FRMD3: variants seen among roughly 807,000 people sequenced by gnomAD.
FRMD3 encodes FERM domain containing 3.
Under a neutral mutation model 70.2 loss-of-function variants are expected in FRMD3, and 33 were observed. That is an observed-to-expected ratio of 0.47 (90% CI 0.36 to 0.63). The LOEUF (loss-of-function observed/expected upper bound fraction) is 0.63, where lower values mean the gene tolerates loss of function less well. FRMD3 is among the 20% of genes least tolerant of loss of function. The pLI, the probability that FRMD3 is intolerant of heterozygous loss-of-function variation, is 0.00. For synonymous variants in FRMD3, 279 were observed against 255.9 expected, an observed-to-expected ratio of 1.09 and a Z score of -0.86; for missense variants, 632 against 711.4, an observed-to-expected ratio of 0.89 and a Z score of 1.27.
At chr9:83,569,997 A>G in the FRMD3 span, among the ~76,000 whole-genome samples, 1 of 152,220 alleles carries the variant, frequency 6.6e-6, no homozygotes, top group South Asian at 2.1e-4. Flanking sequence ...AAGTTTAAGG[A>G]TGAATACAGA....
chr9:83,575,429 C>T, the FRMD3 span, among the ~76,000 whole-genome samples: 2 of 152,120 alleles, frequency 1.3e-5, no homozygotes, highest in Non-Finnish European at 2.9e-5. Flanking sequence ...TAATGGGTTA[C>T]TGGCCCATGT....
intron 1 of FRMD3, among the ~76,000 whole-genome samples, chr9:83,485,725 T>C (rs1185771926): frequency 6.6e-6 from 1 of 152,140 alleles, no homozygotes; most frequent in African/African-American, 2.4e-5. Flanking sequence ...TATGAAGCAG[T>C]AGAAAGAATG....
intron 1 of FRMD3, among the ~76,000 whole-genome samples, chr9:83,458,210 A>G (rs1255352155): frequency 6.6e-6 from 1 of 152,208 alleles, no homozygotes; most frequent in Non-Finnish European, 1.5e-5. Flanking sequence ...TGGCTTTTCC[A>G]AGAATGAAAA....
chr9:83,358,405 G>C (rs980170055), intron 3 of FRMD3, among the ~76,000 whole-genome samples: 5 of 152,056 alleles, frequency 3.3e-5, no homozygotes, highest in African/African-American at 9.7e-5. Context: ...GTCTTGCTTT[G>C]TCTATGTGGG....
intron 1 of FRMD3, among the ~76,000 whole-genome samples, chr9:83,497,745 G>C (rs781251318): frequency 4.6e-5 from 7 of 152,216 alleles, no homozygotes; most frequent in African/African-American, 7.2e-5. Flanking sequence ...GAAGACACAA[G>C]ATGGAAACAG....
At chr9:83,271,359 TG>T (rs1452958335) in intron 13 of FRMD3, among the ~76,000 whole-genome samples, 3 of 152,178 alleles carry the variant, frequency 2.0e-5, no homozygotes, top group African/African-American at 7.2e-5. Context: ...AAAGAGTCCT[TG>T]GGACTAACAT....
the FRMD3 span, among the ~76,000 whole-genome samples, chr9:83,578,389 T>C: frequency 1.9e-3 from 283 of 151,966 alleles, 1 homozygote; most frequent in African/African-American, 6.0e-3. Flanking sequence ...AAAAAAACTA[T>C]AGGTCAATAT....
chr9:83,464,439 G>A lies in FRMD3; in HGVS notation c.147+73646C>T, dbSNP rs917221493. ...TGCACTGTCCCATTAGATGGTGGACGATGGTAAGGGTCACCATCACCCCTC... is the reference window on the plus strand; with the variant it reads ...TGCACTGTCCCATTAGATGGTGGACAATGGTAAGGGTCACCATCACCCCTC... On this transcript the variant is annotated intron_variant, in intron 1 of 13. Coordinates refer to ENST00000304195, the MANE Select transcript of FRMD3 (RefSeq NM_174938.6). Among the ~76,000 whole-genome samples the A allele has an allele frequency of 6.6e-5, 10 of 152,166 alleles. No individual in the cohort carries two copies. In the East Asian group the frequency reaches 1.2e-3, roughly 18 times the overall value.
chr9:83,555,682 G>A, the FRMD3 span, among the ~76,000 whole-genome samples: 4,888 of 152,266 alleles, frequency 0.032, 135 homozygotes, highest in Non-Finnish European at 0.05. Context: ...CCTATGGGTA[G>A]GTACAGGAAT....
intron 13 of FRMD3, among the ~76,000 whole-genome samples, chr9:83,252,188 C>G (rs1211882179): frequency 6.6e-6 from 1 of 152,146 alleles, no homozygotes; most frequent in Non-Finnish European, 1.5e-5. Flanking sequence ...AGAAACCCTA[C>G]AAGCAAGAAG....
chr9:83,531,714 C>A (rs982440475), intron 1 of FRMD3, among the ~76,000 whole-genome samples: 5 of 152,218 alleles, frequency 3.3e-5, no homozygotes, highest in African/African-American at 1.2e-4. Context: ...TATAGGTTTG[C>A]ACATGATAAT....
At chr9:83,377,265 A>G (rs760867049) in intron 2 of FRMD3, among the ~76,000 whole-genome samples, 3 of 152,240 alleles carry the variant, frequency 2.0e-5, no homozygotes, top group Non-Finnish European at 4.4e-5. Flanking sequence ...GCATCTAAAT[A>G]TATTTGTAAA....
intron 6 of FRMD3, 149 bp from the exon 7 acceptor site, chr9:83,313,896 T>C (rs561656309): frequency 1.6e-6 from 1 of 620,134 alleles, no homozygotes; most frequent in South Asian, 2.0e-5. Context: ...TCATTATTTC[T>C]CACCACAAGG....
chr9:83,500,501 C>CGT (rs1829041060), intron 1 of FRMD3, among the ~76,000 whole-genome samples: 2 of 34,948 alleles, frequency 5.7e-5, no homozygotes, highest in Admixed American at 6.2e-4. Context: ...CGTGTATGCG[C>CGT]GCACACACAC....
At chr9:83,361,623 A>T (rs1824587946) in intron 3 of FRMD3, among the ~76,000 whole-genome samples, 2 of 152,282 alleles carry the variant, frequency 1.3e-5, no homozygotes, top group South Asian at 4.2e-4. Context: ...GATCTAAAAA[A>T]CCCATGTCCA....
rs546244984 is a variant in FRMD3, at chr9:83,508,791, A to G, written c.147+29294T>C. 5.3e-5 allele frequency among the ~76,000 whole-genome samples: 8 copies of G among 152,306 alleles called. No individual in the cohort carries two copies. In the East Asian group the frequency reaches 1.5e-3, roughly 29 times the overall value. On this transcript the variant is annotated intron_variant, in intron 1 of 13. Coordinates refer to ENST00000304195, the MANE Select transcript of FRMD3 (RefSeq NM_174938.6). ...CCTATTTCTGAAAATCAAGTTTTAC[A>G]GGCATACGGCCACACTTGTTCCTTT...
chr9:83,495,696 C>A (rs374717899), intron 1 of FRMD3, among the ~76,000 whole-genome samples: 31 of 152,180 alleles, frequency 2.0e-4, no homozygotes, highest in East Asian at 1.5e-3. Context: ...TAGTAAGCAT[C>A]TTTTCTGTGA....
At chr9:83,545,783 G>A in the FRMD3 span, among the ~76,000 whole-genome samples, 35 of 152,288 alleles carry the variant, frequency 2.3e-4, no homozygotes, top group Non-Finnish European at 4.0e-4. Flanking sequence ...AAACCTATTT[G>A]AGGGAATAAT....
intron 1 of FRMD3, among the ~76,000 whole-genome samples, chr9:83,493,615 G>A (rs1360094097): frequency 6.6e-6 from 1 of 152,200 alleles, no homozygotes; most frequent in African/African-American, 2.4e-5. Flanking sequence ...TTGTTTGTTT[G>A]TTTTAACTTC....
Sources: allele counts gnomAD v4.1 joint callset (sites outside exome capture counted in the v4.1 genomes callset), GRCh38; gene constraint gnomAD v4.1.1; transcripts MANE v1.5; gene names NCBI Gene and HGNC (gene_info 2026-07-23, HGNC 2026-07-21).